Variants in ANKFN1 observed in about 807,000 individuals in gnomAD.
The protein encoded by ANKFN1 is ankyrin repeat and fibronectin type III domain containing 1.
A neutral mutation model predicts 108.7 loss-of-function variants in ANKFN1; 74 were observed. That is an observed-to-expected ratio of 0.68 (90% confidence interval 0.56 to 0.83). ANKFN1 has a LOEUF of 0.83. Ranked by LOEUF, ANKFN1 falls within the 40% of genes least tolerant of loss-of-function variation. The pLI is 0.00. For missense variants in ANKFN1, 1,505 were observed against 1,382.3 expected (o/e 1.09, Z -1.41); for synonymous variants, 547 against 516.2 (o/e 1.06, Z -0.81).
chr17:56,426,618 C>T (rs2048577563), intron 8 of ANKFN1, among the ~76,000 whole-genome samples: 1 of 152,234 alleles, frequency 6.6e-6, no homozygotes, highest in Admixed American at 6.5e-5. Flanking sequence ...ATAGAGATAA[C>T]TACAGCACTT....
chr17:56,456,983 A>G, intron 12 of ANKFN1, 23 bp downstream of exon 12: 2 of 1,598,194 alleles, frequency 1.3e-6, no homozygotes, highest in Non-Finnish European at 8.6e-7. Context: ...TAGTTTTTTC[A>G]GGAAATCTTA....
At chr17:56,176,562 C>A (rs16956839) in intron 1 of ANKFN1, among the ~76,000 whole-genome samples, 3,451 of 152,238 alleles carry the variant, frequency 0.023, 139 homozygotes, top group African/African-American at 0.079. Flanking sequence ...TTTGTGGTCA[C>A]TATGTCAAAG....
intron 4 of ANKFN1, among the ~76,000 whole-genome samples, chr17:56,051,048 A>T (rs1904765637): frequency 1.1e-5 from 1 of 93,498 alleles, no homozygotes; most frequent in South Asian, 4.4e-4. Context: ...AAAAGAGGGA[A>T]TCCTCCCTAA....
chr17:56,100,269 T>C (rs1286110785), intron 4 of ANKFN1, among the ~76,000 whole-genome samples: 2 of 151,832 alleles, frequency 1.3e-5, no homozygotes, highest in Non-Finnish European at 2.9e-5. Context: ...ATATGGAAAA[T>C]GAGATTGTGG....
intron 6 of ANKFN1, among the ~76,000 whole-genome samples, 176 bp from the exon 7 acceptor site, chr17:56,372,466 TGTAA>T (rs1442679115): frequency 3.9e-5 from 6 of 152,108 alleles, no homozygotes; most frequent in African/African-American, 9.7e-5. Flanking sequence ...TTAATCTGAT[TGTAA>T]GTGTCACTAA....
At chr17:56,129,134 T>C (rs1248268173) in intron 4 of ANKFN1, among the ~76,000 whole-genome samples, 2 of 152,200 alleles carry the variant, frequency 1.3e-5, no homozygotes, top group Non-Finnish European at 2.9e-5. Context: ...TGGTACCTTC[T>C]ATTACTGGCA....
intron 1 of ANKFN1, among the ~76,000 whole-genome samples, chr17:56,187,723 A>C (rs1912364021): frequency 6.6e-6 from 1 of 152,228 alleles, no homozygotes; most frequent in African/African-American, 2.4e-5. Flanking sequence ...AAAATGTGGC[A>C]CATATACACT....
At chr17:56,127,227 C>T (rs1367679287) in intron 4 of ANKFN1, among the ~76,000 whole-genome samples, 2 of 152,192 alleles carry the variant, frequency 1.3e-5, no homozygotes, top group African/African-American at 4.8e-5. Context: ...CTCAGGATGA[C>T]TAAATATATT....
intron 4 of ANKFN1, among the ~76,000 whole-genome samples, chr17:56,135,104 G>A (rs1907520543): frequency 1.3e-5 from 2 of 151,990 alleles, no homozygotes; most frequent in African/African-American, 4.8e-5. Context: ...CAGGATGAGT[G>A]GCCTGCTCAA....
chr17:56,508,012 T>G (rs988635173), intron 20 of ANKFN1, among the ~76,000 whole-genome samples: 1 of 152,266 alleles, frequency 6.6e-6, no homozygotes, highest in Non-Finnish European at 1.5e-5. Context: ...AGAGACCATG[T>G]CTGTCTAGCA....
intron 10 of ANKFN1, among the ~76,000 whole-genome samples, chr17:56,443,820 T>C (rs775571427): frequency 6.6e-6 from 1 of 152,218 alleles, no homozygotes; most frequent in Non-Finnish European, 1.5e-5. Flanking sequence ...TTTTTCTATG[T>C]AATGAGCCCA....
At chr17:56,428,378 T>A (rs887406182) in intron 8 of ANKFN1, among the ~76,000 whole-genome samples, 2 of 152,106 alleles carry the variant, frequency 1.3e-5, no homozygotes, top group African/African-American at 4.8e-5. Flanking sequence ...AGGATTTATT[T>A]TTTTTACTGT....
chr17:56,144,406 C>G (rs1325539959), intron 4 of ANKFN1, among the ~76,000 whole-genome samples: 1 of 151,822 alleles, frequency 6.6e-6, no homozygotes, highest in Non-Finnish European at 1.5e-5. Flanking sequence ...GTCCATGCAC[C>G]AGTCTACACA....
At chr17:56,197,222 A>G (rs1048545124) in intron 1 of ANKFN1, among the ~76,000 whole-genome samples, 1 of 152,200 alleles carries the variant, frequency 6.6e-6, no homozygotes, top group Non-Finnish European at 1.5e-5. Flanking sequence ...TCTAATGTAC[A>G]TTTATAAAAA....
At chr17:56,424,966 T>G (rs957169558) in intron 8 of ANKFN1, among the ~76,000 whole-genome samples, 1 of 152,182 alleles carries the variant, frequency 6.6e-6, no homozygotes, top group Admixed American at 6.5e-5. Context: ...AAATATTAAA[T>G]GAGCAATGAG....
intron 3 of ANKFN1, among the ~76,000 whole-genome samples, chr17:56,305,894 C>T (rs935426440): frequency 2.6e-5 from 4 of 152,116 alleles, no homozygotes; most frequent in African/African-American, 9.7e-5. Context: ...CTTGCACCAG[C>T]ATCATTTGTT....
At chr17:56,096,502 T>C (rs1234481587) in intron 4 of ANKFN1, among the ~76,000 whole-genome samples, 1 of 152,170 alleles carries the variant, frequency 6.6e-6, no homozygotes, top group African/African-American at 2.4e-5. Context: ...AAGGGTAGTA[T>C]GTTTGGTAGT....
intron 4 of ANKFN1, among the ~76,000 whole-genome samples, chr17:56,068,194 C>T (rs1228719497): frequency 6.6e-6 from 1 of 152,160 alleles, no homozygotes; most frequent in Non-Finnish European, 1.5e-5. Flanking sequence ...GGTCACCCCT[C>T]TGTGAAGCAT....
chr17:56,451,948 A>G (rs2049504637), intron 11 of ANKFN1, among the ~76,000 whole-genome samples: 1 of 152,170 alleles, frequency 6.6e-6, no homozygotes, highest in African/African-American at 2.4e-5. Flanking sequence ...CAACATCTAC[A>G]TTAATTTCTG....
Sources: allele counts gnomAD v4.1 joint callset (sites outside exome capture counted in the v4.1 genomes callset), GRCh38; gene constraint gnomAD v4.1.1; transcripts MANE v1.5; gene names NCBI Gene and HGNC (gene_info 2026-07-23, HGNC 2026-07-21).